FAF1: variants seen among roughly 807,000 people sequenced by gnomAD.
FAF1 encodes the protein Fas associated factor 1.
A neutral mutation model predicts 92.5 loss-of-function variants in FAF1; 25 were observed. The observed-to-expected ratio is 0.27, with a 90% CI of 0.20 to 0.38. The LOEUF is 0.38. FAF1 is among the 10% of genes least tolerant of loss of function. FAF1 has a pLI of 1.00. For missense variants in FAF1, 636 were observed against 793.3 expected, an observed-to-expected ratio of 0.80 and a Z score of 2.38; for synonymous variants, 234 against 273.2, an observed-to-expected ratio of 0.86 and a Z score of 1.42.
At chr1:50,636,379 C>CTTTTTTTTTT (rs1213567555) in intron 8 of FAF1, among the ~76,000 whole-genome samples, 1 of 79,876 alleles carries the variant, frequency 1.3e-5, no homozygotes, top group Non-Finnish European at 2.2e-5. Context: ...GGGGCGTGTC[C>CTTTTTTTTTT]TTTTTTTTTT....
chr1:50,953,164 T>C (rs200357140), intron 1 of FAF1, among the ~76,000 whole-genome samples: 37 of 150,130 alleles, frequency 2.5e-4, no homozygotes, highest in Non-Finnish European at 3.9e-4. Context: ...CGGTGCAAGA[T>C]GTGCTTTGTT....
intron 15 of FAF1, among the ~76,000 whole-genome samples, chr1:50,498,774 C>T (rs113028610): frequency 0.085 from 12,841 of 151,178 alleles, 578 homozygotes; most frequent in East Asian, 0.094. Flanking sequence ...TGCTTGAACT[C>T]GGGAGGCGGA....
intron 1 of FAF1, among the ~76,000 whole-genome samples, chr1:50,871,536 T>C (rs1017771578): frequency 2.0e-5 from 3 of 152,204 alleles, no homozygotes; most frequent in Non-Finnish European, 4.4e-5. Context: ...AGAATTATGC[T>C]AAATCTATTC....
At chr1:50,753,021 ATG>A (rs971208351) in intron 4 of FAF1, among the ~76,000 whole-genome samples, 16 of 152,312 alleles carry the variant, frequency 1.1e-4, no homozygotes, top group African/African-American at 3.4e-4. Flanking sequence ...CTTCATTAAG[ATG>A]TGTTTAACGT....
chr1:50,814,996 TATC>T (rs1276078672), intron 2 of FAF1, among the ~76,000 whole-genome samples: 2 of 152,194 alleles, frequency 1.3e-5, no homozygotes, highest in African/African-American at 2.4e-5. Flanking sequence ...AAAAGAGAAT[TATC>T]ATATGGTGCA....
intron 18 of FAF1, among the ~76,000 whole-genome samples, chr1:50,444,245 CAAG>C (rs921458590): frequency 6.6e-6 from 1 of 152,172 alleles, no homozygotes; most frequent in Non-Finnish European, 1.5e-5. Context: ...GGGCCCCATT[CAAG>C]AAGGACATGG....
At chr1:50,752,156 G>C (rs1379336996) in intron 4 of FAF1, among the ~76,000 whole-genome samples, 2 of 152,110 alleles carry the variant, frequency 1.3e-5, no homozygotes, top group Non-Finnish European at 2.9e-5. Flanking sequence ...TTTTAGTAGA[G>C]ACGGGGGTCT....
chr1:50,615,140 T>C (rs183075478), intron 8 of FAF1, among the ~76,000 whole-genome samples: 1 of 152,336 alleles, frequency 6.6e-6, no homozygotes, highest in African/African-American at 2.4e-5. Flanking sequence ...ACACAGTGTT[T>C]GGTTGTCTGT....
chr1:50,459,575 C>G (rs917989593), intron 18 of FAF1, among the ~76,000 whole-genome samples: 17 of 152,194 alleles, frequency 1.1e-4, no homozygotes, highest in Non-Finnish European at 2.2e-4. Flanking sequence ...CCTCCCGCAA[C>G]CTTGACACAG....
At chr1:50,846,785 G>C (rs1644305108) in intron 2 of FAF1, 6 of 700,164 alleles carry the variant, frequency 8.6e-6, no homozygotes, top group South Asian at 8.3e-5. Context: ...AATGTGAAGG[G>C]ATTGTCCCAA....
Position 50,740,749 on chromosome 1 carries a change from G to C in FAF1, c.460-1795C>G, listed in dbSNP as rs74080070. 7.7e-3 allele frequency among the ~76,000 whole-genome samples: 1,174 copies of C among 152,172 alleles called. 13 individuals carry two copies. The highest frequency in any genetic ancestry group is 0.027 in the African/African-American group (1,134 of 41,518). ...CCTATAACTTTACAATTTACCAGGA[G>C]ACATGGACATCCTGAAACTTTATGT... On this transcript the variant is annotated intron_variant, in intron 5 of 18. Transcript: ENST00000396153.
intron 9 of FAF1, among the ~76,000 whole-genome samples, chr1:50,593,842 C>A (rs908806030): frequency 3.3e-5 from 5 of 152,046 alleles, no homozygotes; most frequent in African/African-American, 1.2e-4. Flanking sequence ...GATATAAATA[C>A]GTATTCAAAG....
At chr1:50,809,903 T>C (rs1315410891) in intron 2 of FAF1, among the ~76,000 whole-genome samples, 1 of 152,150 alleles carries the variant, frequency 6.6e-6, no homozygotes, top group East Asian at 1.9e-4. Flanking sequence ...CAGCAGCATA[T>C]CCAAAAGCTA....
intron 2 of FAF1, among the ~76,000 whole-genome samples, chr1:50,855,140 G>A (rs1033789730): frequency 6.6e-6 from 1 of 151,908 alleles, no homozygotes; most frequent in South Asian, 2.1e-4. Flanking sequence ...TTGGTCCCAA[G>A]CATTTCGGAT....
intron 18 of FAF1, among the ~76,000 whole-genome samples, chr1:50,458,486 C>T (rs528438968): frequency 6.6e-6 from 1 of 152,298 alleles, no homozygotes; most frequent in Non-Finnish European, 1.5e-5. Context: ...TCATTGTCAT[C>T]GCTCCCCACC....
At chr1:50,819,638 T>TCACA (rs375892280) in intron 2 of FAF1, among the ~76,000 whole-genome samples, 9,206 of 97,692 alleles carry the variant, frequency 0.094, 1,060 homozygotes, top group African/African-American at 0.19. Flanking sequence ...ACTGACTCAC[T>TCACA]CACACACACA....
intron 1 of FAF1, among the ~76,000 whole-genome samples, chr1:50,914,464 T>C (rs1644906884): frequency 6.6e-6 from 1 of 152,206 alleles, no homozygotes; most frequent in Non-Finnish European, 1.5e-5. Flanking sequence ...TTCTAGTTAG[T>C]GCATCAAAAC....
chr1:50,792,231 C>T (rs1569955427), intron 3 of FAF1, among the ~76,000 whole-genome samples: 1 of 152,134 alleles, frequency 6.6e-6, no homozygotes, highest in East Asian at 1.9e-4. Context: ...AAGATAGCTA[C>T]AAAATTTTAA....
chr1:50,541,538 ACT>A (rs1648756354), intron 13 of FAF1, among the ~76,000 whole-genome samples: 1 of 152,072 alleles, frequency 6.6e-6, no homozygotes, highest in Non-Finnish European at 1.5e-5. Context: ...GTCAGTCTTG[ACT>A]CTGGCCTGAT....
Sources: allele counts gnomAD v4.1 joint callset (sites outside exome capture counted in the v4.1 genomes callset), GRCh38; gene constraint gnomAD v4.1.1; transcripts MANE v1.5; gene names NCBI Gene and HGNC (gene_info 2026-07-23, HGNC 2026-07-21).